FGD3: variants seen among roughly 807,000 people sequenced by gnomAD.
FGD3 encodes the protein FYVE, RhoGEF and PH domain-containing protein 3.
FGD3 carries 45 observed loss-of-function variants against 71.8 expected under a neutral mutation model. That is an observed-to-expected ratio of 0.63 (90% confidence interval 0.49 to 0.80). The LOEUF (loss-of-function observed/expected upper bound fraction) is 0.80. Ranked by LOEUF, FGD3 falls within the 30% of genes least tolerant of loss-of-function variation. FGD3 has a pLI of 0.00. For synonymous variants in FGD3, 378 were observed against 392.8 expected (o/e 0.96, Z 0.44); for missense variants, 844 against 951.5 (o/e 0.89, Z 1.49).
chr9:92,961,549 T>G (rs1218584457), intron 1 of FGD3, among the ~76,000 whole-genome samples: 2 of 152,166 alleles, frequency 1.3e-5, no homozygotes, highest in African/African-American at 2.4e-5. Flanking sequence ...TTCCCCAACT[T>G]CAGGTCACCC....
chr9:93,031,916 G>A (rs932585450), intron 15 of FGD3, among the ~76,000 whole-genome samples: 16 of 152,112 alleles, frequency 1.1e-4, no homozygotes, highest in Admixed American at 4.6e-4. Flanking sequence ...CAGGACCACC[G>A]ATGGGATGCA....
chr9:92,970,427 G>C (rs562766785), intron 1 of FGD3, among the ~76,000 whole-genome samples: 1 of 152,230 alleles, frequency 6.6e-6, no homozygotes, highest in African/African-American at 2.4e-5. Context: ...AATGTCTGGA[G>C]AACAAAAGAG....
Position 93,035,858 on chromosome 9 carries a change from C to T in FGD3, c.*269C>T. 1 of 473,828 alleles carries T rather than the reference C, an allele frequency of 2.1e-6. No homozygotes were observed. The highest frequency in any genetic ancestry group is 3.7e-6 in the Non-Finnish European group (1 of 268,972). 29.4% of individuals were successfully genotyped at this position (473,828 alleles called of 1,614,324 possible). A position where few individuals can be genotyped will look rare whatever the true frequency, so the allele number is the denominator to read the frequency against. On this transcript the variant is annotated 3_prime_UTR_variant, in exon 18 of 18. Coordinates refer to ENST00000375482, the MANE Select transcript of FGD3 (RefSeq NM_001083536.2). The stretch of plus-strand genomic sequence containing the variant: ...AGGGGCCGACTGCCAAAGTAACCAT[C>T]ATCCATATGGGCCGTGTGGTGATGC...
intron 1 of FGD3, among the ~76,000 whole-genome samples, chr9:92,956,018 C>A (rs1055356389): frequency 6.6e-6 from 1 of 152,214 alleles, no homozygotes; most frequent in African/African-American, 2.4e-5. Flanking sequence ...TTTTCATTTC[C>A]ATGTCTGCAT....
chr9:93,014,416 C>A (rs554181594), intron 9 of FGD3, among the ~76,000 whole-genome samples: 16 of 152,024 alleles, frequency 1.1e-4, no homozygotes, highest in Non-Finnish European at 1.9e-4. Context: ...TAATTCGAGA[C>A]CCCCCCGGGT....
intron 1 of FGD3, among the ~76,000 whole-genome samples, chr9:92,962,939 C>A (rs1009623978): frequency 6.2e-3 from 655 of 105,194 alleles, no homozygotes; most frequent in East Asian, 0.01. Context: ...GGCTCCGTCT[C>A]AAAAAAAAAA....
At position 93,030,021 on chromosome 9, in the gene FGD3, G is replaced by A. The variant is rs372828382; in HGVS notation, c.1680+25G>A. 1,082 of 1,607,182 alleles carry A rather than the reference G, an allele frequency of 6.7e-4. 11 individuals are homozygous for A. In the South Asian group the frequency reaches 9.4e-3, roughly 14 times the overall value. On this transcript the variant is annotated intron_variant, in intron 15 of 17. Coordinates refer to ENST00000375482, the MANE Select transcript of FGD3 (RefSeq NM_001083536.2). ...GGTGAGTCCCGGGAGAGGGGGACAGGGACAGGAGGCCACCCTGTCCTCTGC... is the reference window on the plus strand; with the variant it reads ...GGTGAGTCCCGGGAGAGGGGGACAGAGACAGGAGGCCACCCTGTCCTCTGC...
At chr9:92,960,206 G>A (rs993478037) in intron 1 of FGD3, among the ~76,000 whole-genome samples, 3 of 151,500 alleles carry the variant, frequency 2.0e-5, no homozygotes, top group Non-Finnish European at 4.4e-5. Context: ...ATGTCTCCAT[G>A]ACCTCCACTT....
At chr9:92,957,828 T>G (rs921766303) in intron 1 of FGD3, among the ~76,000 whole-genome samples, 2 of 150,152 alleles carry the variant, frequency 1.3e-5, no homozygotes, top group East Asian at 3.9e-4. Flanking sequence ...AGTACAGGCG[T>G]GCACCACTAT....
chr9:92,979,573 G>A (rs12380201), intron 3 of FGD3, among the ~76,000 whole-genome samples: 5,465 of 152,162 alleles, frequency 0.036, 118 homozygotes, highest in Middle Eastern at 0.075. Flanking sequence ...TTATTTTCCT[G>A]TATCGTCTTT....
intron 6 of FGD3, among the ~76,000 whole-genome samples, chr9:93,006,903 A>AT (rs1390392263): frequency 1.2e-4 from 17 of 138,034 alleles, no homozygotes; most frequent in African/African-American, 4.0e-4. Context: ...ATTTTTTTGT[A>AT]TTTTTAGGAG....
chr9:93,015,637 TA>T lies in FGD3; in HGVS notation c.1183-91del, dbSNP rs912063097. The T allele has an allele frequency of 8.3e-4, 607 of 727,146 alleles. 1 individual carries two copies. The highest frequency in any genetic ancestry group is 1.1e-3 in the South Asian group (64 of 59,990). The allele number at this position is 727,146 out of a possible 1,614,324, so 45.0% of individuals were successfully genotyped here. Reference sequence around the variant, plus strand: ...AAAAATATTTTTCACTTTATAACATTAAAAAAAAATGAAAAGGATCCCATGT... The same window carrying T: ...AAAAATATTTTTCACTTTATAACATTAAAAAAAATGAAAAGGATCCCATGT... On this transcript the variant is annotated intron_variant, in intron 9 of 17. Transcript: ENST00000375482.
Position 93,004,130 on chromosome 9 carries a change from G to GA in FGD3, c.674dup (p.Glu226GlyfsTer30). On this transcript the variant is annotated frameshift_variant, in exon 5 of 18. Transcript: ENST00000375482. LOFTEE classifies it high-confidence loss of function. ...GCCGGAGCTGAAGACGCGGATCACG[G>GA]AGGAGTGGTGAGTACCATCTGCGCA... 1 of 1,613,776 alleles carries GA rather than the reference G, an allele frequency of 6.2e-7. No individual in the cohort carries two copies. Among genetic ancestry groups the GA allele is most frequent in the Non-Finnish European group, 8.5e-7 (1 of 1,180,000 alleles).
At chr9:92,964,641 C>T (rs1400060001) in intron 1 of FGD3, among the ~76,000 whole-genome samples, 1 of 152,200 alleles carries the variant, frequency 6.6e-6, no homozygotes, top group Non-Finnish European at 1.5e-5. Context: ...TGTTGCCTAT[C>T]GTCTGGGGGT....
chr9:93,003,867 C>A lies in FGD3; in HGVS notation c.544-134C>A. ...TGGATGAAAAGGGAGGACAATAATT[C>A]TGAAATTCATTAAGAAAACACAAGG... On this transcript the variant is annotated intron_variant, in intron 4 of 17. Transcript: ENST00000375482. The surrounding 1 kb of genome is among the most constrained non-coding windows in gnomAD (Gnocchi z 4.1). 9.2e-7 allele frequency: 1 copy of A among 1,085,414 alleles called. No homozygotes were observed. The highest frequency in any genetic ancestry group is 1.3e-6 in the Non-Finnish European group (1 of 746,680). 67.2% of individuals were successfully genotyped at this position (1,085,414 alleles called of 1,614,324 possible). A position where few individuals can be genotyped will look rare whatever the true frequency, so the allele number is the denominator to read the frequency against.
intron 1 of FGD3, among the ~76,000 whole-genome samples, chr9:92,968,020 T>C (rs1366438331): frequency 6.6e-6 from 1 of 152,186 alleles, no homozygotes; most frequent in Non-Finnish European, 1.5e-5. Context: ...CAAGTACCTG[T>C]TTAAGACCCT....
chr9:92,991,186 C>G (rs1397675284), intron 3 of FGD3, among the ~76,000 whole-genome samples: 2 of 152,124 alleles, frequency 1.3e-5, no homozygotes, highest in Non-Finnish European at 2.9e-5. Context: ...TCAAGCTATT[C>G]TCTTGCCTCA....
At chr9:92,964,800 C>T (rs74547668) in intron 1 of FGD3, among the ~76,000 whole-genome samples, 6,880 of 152,240 alleles carry the variant, frequency 0.045, 184 homozygotes, top group Middle Eastern at 0.075. Flanking sequence ...CGGCCAGCCC[C>T]TCTCATGTCA....
Position 93,019,928 on chromosome 9 carries a change from G to A in FGD3, c.1386+67G>A, listed in dbSNP as rs997033485. 3.8e-6 allele frequency: 6 copies of A among 1,569,080 alleles called. No individual in the cohort carries two copies. The African/African-American group carries it at 8.1e-5, about 21-fold the overall frequency. On this transcript the variant is annotated intron_variant, in intron 12 of 17. Coordinates refer to ENST00000375482, the MANE Select transcript of FGD3 (RefSeq NM_001083536.2). ...ATTGAGCAGTAAGGCCATTCATGTTGGTTCAGAGGGTGGGGGCCCTGGCCT... is the reference window on the plus strand; with the variant it reads ...ATTGAGCAGTAAGGCCATTCATGTTAGTTCAGAGGGTGGGGGCCCTGGCCT...
Sources: allele counts gnomAD v4.1 joint callset (sites outside exome capture counted in the v4.1 genomes callset), GRCh38; gene constraint gnomAD v4.1.1; non-coding constraint Gnocchi (gnomAD v3.1); transcripts MANE v1.5; gene names NCBI Gene and HGNC (gene_info 2026-07-23, HGNC 2026-07-21).